The following RFX7 variants were observed in gnomAD, a reference collection of about 807,000 sequenced individuals.
The protein encoded by RFX7 is DNA-binding protein RFX7.
RFX7 carries 26 observed loss-of-function variants against 111.8 expected under a neutral mutation model. The ratio of observed to expected loss-of-function variants is 0.23; its 90% CI spans 0.17 to 0.32. The LOEUF (loss-of-function observed/expected upper bound fraction) is 0.32, where lower values mean the gene tolerates loss of function less well. Among genes scored for constraint, RFX7 ranks in the 10% least tolerant of loss-of-function variants. The probability of loss-of-function intolerance (pLI) is 1.00; values close to 1 mark genes in which losing one functional copy is unlikely to be tolerated. For missense variants in RFX7, 1,573 were observed against 1,772.9 expected (o/e 0.89, Z 2.02); for synonymous variants, 624 against 624.4 (o/e 1.00, Z 0.01).
chr15:56,113,181 T>C (rs2041962030), intron 5 of RFX7, among the ~76,000 whole-genome samples: 1 of 152,238 alleles, frequency 6.6e-6, no homozygotes, highest in Non-Finnish European at 1.5e-5. Flanking sequence ...TAAATCATTC[T>C]ATTATAAAGA....
intron 5 of RFX7, among the ~76,000 whole-genome samples, chr15:56,106,105 C>A (rs2041826303): frequency 6.6e-6 from 1 of 152,162 alleles, no homozygotes; most frequent in Non-Finnish European, 1.5e-5. Context: ...CATTTTAATG[C>A]CTCACTGGGC....
At chr15:56,207,953 T>C (rs1311518803) in intron 2 of RFX7, among the ~76,000 whole-genome samples, 2 of 152,140 alleles carry the variant, frequency 1.3e-5, no homozygotes, top group Non-Finnish European at 2.9e-5. Flanking sequence ...TGAGAATCTG[T>C]ACCAAAGGAG....
chr15:56,183,740 C>T (rs2043002437), intron 2 of RFX7, among the ~76,000 whole-genome samples: 1 of 152,134 alleles, frequency 6.6e-6, no homozygotes, highest in South Asian at 2.1e-4. Flanking sequence ...TCTAATTTCA[C>T]AACAGTCCTC....
intron 2 of RFX7, among the ~76,000 whole-genome samples, chr15:56,188,353 GATA>G (rs1479852623): frequency 6.6e-6 from 1 of 151,644 alleles, no homozygotes; most frequent in Non-Finnish European, 1.5e-5. Context: ...GGAGAGGAGA[GATA>G]ATGAGACAGA....
intron 3 of RFX7, among the ~76,000 whole-genome samples, chr15:56,162,692 A>G (rs770473382): frequency 6.6e-6 from 1 of 152,116 alleles, no homozygotes; most frequent in Non-Finnish European, 1.5e-5. Flanking sequence ...AAAGGAGGAT[A>G]CAATAACTCA....
chr15:56,094,660 G>C lies in RFX7; in HGVS notation c.3068C>G (p.Pro1023Arg). The change falls in exon 10 of 10, where the codon CCG becomes CGG. Residue 1023 changes from proline (P) to arginine (R), a missense_variant. Transcript: ENST00000559447. The stretch of plus-strand genomic sequence containing the variant: ...GGAGCTTATTGGAGTGAATGCAAAC[G>C]GATTCCTGCATTCAACAGGGCTGGG... ...VPPSPVECRN[P>R]FAFTPISSSM... 2 of 1,613,900 alleles carry C rather than the reference G, an allele frequency of 1.2e-6. No individual in the cohort carries two copies. The highest frequency in any genetic ancestry group is 1.7e-6 in the Non-Finnish European group (2 of 1,179,878).
chr15:56,178,696 T>C (rs1225262496), intron 3 of RFX7, among the ~76,000 whole-genome samples: 1 of 152,188 alleles, frequency 6.6e-6, no homozygotes, highest in Non-Finnish European at 1.5e-5. Flanking sequence ...CCTATGAAAC[T>C]ACTACTATAC....
chr15:56,158,440 T>C (rs528630843), intron 3 of RFX7, among the ~76,000 whole-genome samples: 231 of 152,310 alleles, frequency 1.5e-3, no homozygotes, highest in Non-Finnish European at 2.4e-3. Flanking sequence ...TCAAATTCTA[T>C]CAACAAGTAT....
At position 56,092,401 on chromosome 15, in the gene RFX7, T is replaced by C. The variant is rs2041607507; in HGVS notation, c.*944A>G. The C allele has an allele frequency of 6.6e-6, 1 of 152,326 alleles. No individual in the cohort carries two copies. The highest frequency in any genetic ancestry group is 1.5e-5 in the Non-Finnish European group (1 of 67,982). The allele number at this position is 152,326 out of a possible 1,614,324, so 9.4% of individuals were successfully genotyped here. On this transcript the variant is annotated 3_prime_UTR_variant, in exon 10 of 10. Transcript: ENST00000559447. ...AATTGAAGAGGAAAAAAACTGATTA[T>C]TGTGGAATATTTTAATGAAAAATTT...
intron 3 of RFX7, among the ~76,000 whole-genome samples, chr15:56,164,023 G>C (rs12440898): frequency 0.067 from 10,228 of 152,234 alleles, 445 homozygotes; most frequent in Admixed American, 0.11. Context: ...TGAGGTAAAA[G>C]CATGGTGGGG....
chr15:56,172,081 G>T (rs1182385084), intron 3 of RFX7, among the ~76,000 whole-genome samples: 2 of 152,090 alleles, frequency 1.3e-5, no homozygotes, highest in Non-Finnish European at 2.9e-5. Flanking sequence ...CAAACTGGGG[G>T]GATGAGGGGG....
At chr15:56,212,417 C>T (rs1420525365) in intron 2 of RFX7, among the ~76,000 whole-genome samples, 3 of 152,064 alleles carry the variant, frequency 2.0e-5, no homozygotes, top group African/African-American at 7.2e-5. Flanking sequence ...CTTTATGATA[C>T]TTTAATGGTG....
chr15:56,087,560 GGTAA>G lies in RFX7; in HGVS notation c.*5781_*5784del, dbSNP rs1215162810. The G allele has an allele frequency of 4.4e-6, 2 of 456,628 alleles. No homozygotes were observed. Among genetic ancestry groups the G allele is most frequent in the Non-Finnish European group, 8.8e-6 (2 of 226,940 alleles). The allele number at this position is 456,628 out of a possible 1,614,324, so 28.3% of individuals were successfully genotyped here. A position where few individuals can be genotyped will look rare whatever the true frequency, so the allele number is the denominator to read the frequency against. Reference sequence around the variant, plus strand: ...TTTGGTTACATCTCTTTGAGTACTTGGTAAGTGTCTCCACTTAACTGCAAGGGAA... The same window carrying G: ...TTTGGTTACATCTCTTTGAGTACTTGGTGTCTCCACTTAACTGCAAGGGAA... On this transcript the variant is annotated 3_prime_UTR_variant, in exon 10 of 10. Coordinates refer to ENST00000559447, the MANE Select transcript of RFX7 (RefSeq NM_022841.7).
intron 2 of RFX7, among the ~76,000 whole-genome samples, chr15:56,221,835 G>A (rs766911595): frequency 1.3e-5 from 2 of 152,078 alleles, no homozygotes; most frequent in Non-Finnish European, 2.9e-5. Context: ...GCTGTTTCAC[G>A]ATCTTTTACT....
intron 3 of RFX7, among the ~76,000 whole-genome samples, chr15:56,167,928 C>T (rs1201400822): frequency 6.6e-6 from 1 of 152,146 alleles, no homozygotes; most frequent in Admixed American, 6.5e-5. Context: ...TACCAAAATT[C>T]AGTAAGATGA....
chr15:56,163,400 C>T (rs1226159771), intron 3 of RFX7, among the ~76,000 whole-genome samples: 1 of 152,122 alleles, frequency 6.6e-6, no homozygotes, highest in Non-Finnish European at 1.5e-5. Context: ...ATGAAGAAGA[C>T]TGGCTTCTGA....
intron 2 of RFX7, among the ~76,000 whole-genome samples, chr15:56,200,718 G>C (rs1156490381): frequency 1.3e-5 from 2 of 152,034 alleles, no homozygotes; most frequent in African/African-American, 4.8e-5. Flanking sequence ...AGAAATGCTT[G>C]AATGAGGGAG....
intron 2 of RFX7, among the ~76,000 whole-genome samples, chr15:56,202,974 T>C (rs890699608): frequency 1.3e-5 from 2 of 152,212 alleles, no homozygotes; most frequent in East Asian, 3.8e-4. Flanking sequence ...TTAATTCCTT[T>C]CTAGATTTTA....
At chr15:56,198,437 C>T (rs530189307) in intron 2 of RFX7, among the ~76,000 whole-genome samples, 24 of 152,216 alleles carry the variant, frequency 1.6e-4, no homozygotes, top group Admixed American at 7.2e-4. Context: ...AATGTAAGTA[C>T]GCAACACCAC....
Sources: allele counts gnomAD v4.1 joint callset (sites outside exome capture counted in the v4.1 genomes callset), GRCh38; gene constraint gnomAD v4.1.1; transcripts MANE v1.5; gene names NCBI Gene and HGNC (gene_info 2026-07-23, HGNC 2026-07-21).